TLE2: variants seen among roughly 807,000 people sequenced by gnomAD.
The protein encoded by TLE2 is TLE family member 2, transcriptional corepressor, also known as transducin-like enhancer protein 2.
Under a neutral mutation model 97.2 loss-of-function variants are expected in TLE2, and 74 were observed. The observed-to-expected ratio is 0.76, with a 90% confidence interval of 0.63 to 0.92. TLE2 has a LOEUF of 0.92. TLE2 is among the 40% of genes least tolerant of loss of function. The pLI, the probability that TLE2 is intolerant of heterozygous loss-of-function variation, is 0.00. For missense variants in TLE2, 1,038 were observed against 1,008.7 expected (o/e 1.03, Z -0.39); for synonymous variants, 499 against 432.1 (o/e 1.15, Z -1.92).
intron 1 of TLE2, among the ~76,000 whole-genome samples, chr19:3,044,387 G>A (rs2090126983): frequency 6.6e-6 from 1 of 151,996 alleles, no homozygotes; most frequent in Non-Finnish European, 1.5e-5. Flanking sequence ...GATTCTACAG[G>A]GCTGGCCCAC....
chr19:3,000,012 G>C (rs10416897), intron 19 of TLE2, among the ~76,000 whole-genome samples: 50,534 of 150,630 alleles, frequency 0.34, 9,791 homozygotes, highest in African/African-American at 0.52. Context: ...CAGCCTGGGA[G>C]ACAGAGCAAG....
intron 4 of TLE2, among the ~76,000 whole-genome samples, chr19:3,026,452 AT>A (rs373109332): frequency 0.057 from 7,519 of 132,514 alleles, 224 homozygotes; most frequent in Non-Finnish European, 0.071. Context: ...TTGTCTCAAA[AT>A]TTAAAAAAAA....
rs1281676609 is a variant in TLE2 at position 2,997,854 on chromosome 19, GACC to G, written c.2223_2225del (p.Val742del). ...CAGGAAGGGGGGTCATGTCTCAGTA[GACC>G]ACCTCATACACGGTGGCCTTCTTGT... On this transcript the variant is annotated inframe_deletion, in exon 20 of 20. Coordinates refer to ENST00000262953, the MANE Select transcript of TLE2 (RefSeq NM_003260.5). 6.2e-7 allele frequency: 1 copy of G among 1,606,144 alleles called. No individual in the cohort carries two copies. The highest frequency in any genetic ancestry group is 1.1e-5 in the South Asian group (1 of 89,466).
intron 1 of TLE2, among the ~76,000 whole-genome samples, chr19:3,035,364 C>T (rs893437225): frequency 1.3e-5 from 2 of 152,078 alleles, no homozygotes; most frequent in African/African-American, 4.8e-5. Flanking sequence ...ATTTGCCACG[C>T]GGGACTTCAC....
At chr19:3,032,584 G>A (rs757437690), upstream of TLE2, among the ~76,000 whole-genome samples, 8 of 152,060 alleles carry the variant, frequency 5.3e-5, no homozygotes, top group Non-Finnish European at 1.0e-4. This position sits in a 1 kb window ranked among gnomAD's most constrained non-coding sequence, Gnocchi z 4.1. Context: ...GGTTGTTCGC[G>A]TCCTTGTTTG....
chr19:3,022,421 C>A (rs1443605943), intron 5 of TLE2, among the ~76,000 whole-genome samples: 1 of 150,740 alleles, frequency 6.6e-6, no homozygotes, highest in Non-Finnish European at 1.5e-5. Flanking sequence ...CCCAACTACT[C>A]GGGAGGCTGA....
At chr19:3,020,016 C>T in intron 5 of TLE2, 1 of 558,838 alleles carries the variant, frequency 1.8e-6, no homozygotes, top group Non-Finnish European at 3.1e-6. Flanking sequence ...GGCATGGTGG[C>T]TCACGCCTGG....
At chr19:3,011,448 C>T (rs1303997321) in intron 11 of TLE2, among the ~76,000 whole-genome samples, 4 of 150,394 alleles carry the variant, frequency 2.7e-5, no homozygotes, top group African/African-American at 9.8e-5. Context: ...AGGAGAATGG[C>T]ATGAACCCGG....
At chr19:3,007,427 T>G (rs1423344501) in intron 14 of TLE2, among the ~76,000 whole-genome samples, 2 of 152,114 alleles carry the variant, frequency 1.3e-5, no homozygotes, top group Non-Finnish European at 2.9e-5. Context: ...TCTGTTATTA[T>G]TTTGTAGAGA....
At chr19:3,023,994 C>CTTTTT (rs372319602) in intron 5 of TLE2, among the ~76,000 whole-genome samples, 1 of 123,096 alleles carries the variant, frequency 8.1e-6, no homozygotes, top group Non-Finnish European at 1.6e-5. Context: ...GAAGAGCTAA[C>CTTTTT]TTTTTTTTTT....
chr19:3,032,698 C>T (rs992388079), upstream of TLE2, among the ~76,000 whole-genome samples: 2 of 152,030 alleles, frequency 1.3e-5, no homozygotes, highest in Non-Finnish European at 2.9e-5. The surrounding 1 kb of genome is among the most constrained non-coding windows in gnomAD (Gnocchi z 4.1). Flanking sequence ...AGCCAGAAAC[C>T]GCCGGCCACA....
intron 18 of TLE2, among the ~76,000 whole-genome samples, chr19:3,000,963 C>G (rs1273048559): frequency 6.6e-6 from 1 of 151,784 alleles, no homozygotes; most frequent in African/African-American, 2.4e-5. Context: ...CAGGTGTGCA[C>G]CACCACGCCC....
intron 1 of TLE2, among the ~76,000 whole-genome samples, chr19:3,039,078 C>G (rs1869630389): frequency 6.8e-6 from 1 of 146,986 alleles, no homozygotes; most frequent in South Asian, 2.2e-4. Flanking sequence ...AAAAAATTAG[C>G]TGGGTGTGGT....
At chr19:3,010,072 A>AAC in intron 12 of TLE2, among the ~76,000 whole-genome samples, 1 of 151,910 alleles carries the variant, frequency 6.6e-6, no homozygotes, top group South Asian at 2.1e-4. Flanking sequence ...CATCCTTCAA[A>AAC]ACCCAGGCCC....
intron 19 of TLE2, among the ~76,000 whole-genome samples, chr19:2,999,097 C>G (rs530001109): frequency 6.6e-6 from 1 of 152,174 alleles, no homozygotes; most frequent in Middle Eastern, 3.4e-3. Context: ...GACTGGCCAA[C>G]GTGGGGAATC....
intron 17 of TLE2, among the ~76,000 whole-genome samples, chr19:3,003,597 C>T (rs990019233): frequency 5.3e-5 from 8 of 151,792 alleles, no homozygotes; most frequent in Non-Finnish European, 1.0e-4. Flanking sequence ...GAGATTGCAC[C>T]ACTGCACTCC....
chr19:3,009,885 C>CTTTT (rs66977119), intron 12 of TLE2, among the ~76,000 whole-genome samples, 183 bp from the exon 13 acceptor site: 7 of 139,450 alleles, frequency 5.0e-5, no homozygotes, highest in East Asian at 2.2e-4. Flanking sequence ...CTTTCTCTCT[C>CTTTT]TCTTTTTTTC....
At position 3,008,850 on chromosome 19, in the gene TLE2, G is replaced by C. The variant is rs747376914; in HGVS notation, c.1250+19C>G. On this transcript the variant is annotated intron_variant, in intron 14 of 19. Transcript: ENST00000262953. ...GCTGGCCCGGGACCCCAGGCAGGGA[G>C]CCCCACCCTGGTACTCACGGCTTTC... The C allele has an allele frequency of 1.3e-6, 2 of 1,539,726 alleles. No individual in the cohort carries two copies. The highest frequency in any genetic ancestry group is 1.9e-5 in the Admixed American group (1 of 51,708).
chr19:3,037,076 G>A (rs1370640991), intron 1 of TLE2, among the ~76,000 whole-genome samples: 1 of 152,220 alleles, frequency 6.6e-6, no homozygotes, highest in African/African-American at 2.4e-5. Context: ...CCTGAGGCCA[G>A]GAGTTCGAGA....
Sources: gnomAD v4.1 joint callset for allele counts (sites outside exome capture counted in the v4.1 genomes callset) on GRCh38, gnomAD v4.1.1 for gene constraint, Gnocchi (gnomAD v3.1) non-coding constraint, MANE v1.5 for transcripts, NCBI Gene and HGNC (gene_info 2026-07-23, HGNC 2026-07-21) for gene names.